Variants in TRPM4 observed in about 807,000 individuals in gnomAD.
TRPM4 encodes transient receptor potential cation channel subfamily M member 4, also known as calcium-activated non-selective cation channel 1.
A neutral mutation model predicts 135.6 loss-of-function variants in TRPM4; 124 were observed. The observed-to-expected ratio is 0.91, with a 90% CI of 0.79 to 1.06. The LOEUF (loss-of-function observed/expected upper bound fraction) is 1.06. Among genes scored for constraint, TRPM4 ranks in the 50% least tolerant of loss-of-function variants. The pLI, the probability that TRPM4 is intolerant of heterozygous loss-of-function variation, is 0.00. For synonymous variants in TRPM4, 745 were observed against 705.6 expected, an observed-to-expected ratio of 1.06 and a Z score of -0.88; for missense variants, 1,658 against 1,671.4, an observed-to-expected ratio of 0.99 and a Z score of 0.14.
rs2287923 is a variant in TRPM4 at position 49,171,976 on chromosome 19, C to T, written c.1051-33C>T. ...GCCCAACAGGAGTTGGGGATGGAGG[C>T]GGGCTAGGGATGCAGAACTGGCTAT... On this transcript the variant is annotated intron_variant, in intron 8 of 24. Coordinates refer to ENST00000252826, the MANE Select transcript of TRPM4 (RefSeq NM_017636.4). This position sits in a 1 kb window ranked among gnomAD's most constrained non-coding sequence, Gnocchi z 4.7. 0.051 allele frequency: 80,755 copies of T among 1,574,898 alleles called. 2,522 individuals are homozygous for T. The highest frequency in any genetic ancestry group is 0.12 in the East Asian group (5,372 of 44,686).
chr19:49,169,354 C>T (rs1241350043), intron 6 of TRPM4, among the ~76,000 whole-genome samples: 1 of 145,652 alleles, frequency 6.9e-6, no homozygotes, highest in Non-Finnish European at 1.5e-5. Context: ...TCACTGCAGC[C>T]TCTGCCTCCT....
chr19:49,196,727 T>A lies in TRPM4; in HGVS notation c.2498T>A (p.Leu833Gln). ...CTGTGCGAGGAACTGCGCCAGGGCC[T>A]GAGCGGAGGCGGGGGCAGCCTCGCC... Reference protein sequence around the residue: ...TLLCEELRQGLSGGGGSLASG... With the variant: ...TLLCEELRQGQSGGGGSLASG... The change falls in exon 17 of 25, where the codon CTG (leucine) becomes CAG (glutamine). Residue 833 changes from leucine to glutamine, a missense_variant. By Grantham distance (113) the Leu-to-Gln change is moderately radical. Around this residue, in one of 3 missense-constraint regions of TRPM4, gnomAD observed 1,412 missense variants for 1,408.7 expected, o/e 1.00. Coordinates refer to ENST00000252826, the MANE Select transcript of TRPM4 (RefSeq NM_017636.4). The A allele has an allele frequency of 6.4e-7, 1 of 1,552,780 alleles. No homozygotes were observed. The highest frequency in any genetic ancestry group is 8.7e-7 in the Non-Finnish European group (1 of 1,155,646).
Position 49,181,472 on chromosome 19 carries a change from A to G in TRPM4, c.1263+11A>G. On this transcript the variant is annotated intron_variant, in intron 10 of 24. Coordinates refer to ENST00000252826, the MANE Select transcript of TRPM4 (RefSeq NM_017636.4). ...GACATCCAATGGCGGGTGAGGGGTC[A>G]GGGCCTGGGGGTTGGGCATACTGAC... The G allele has an allele frequency of 6.3e-7, 1 of 1,592,334 alleles. No homozygotes were observed. Among genetic ancestry groups the G allele is most frequent in the Non-Finnish European group, 8.6e-7 (1 of 1,164,140 alleles).
At chr19:49,190,169 G>A (rs781708721) in intron 14 of TRPM4, 39 bp from the exon 15 acceptor site, 6 of 1,570,598 alleles carry the variant, frequency 3.8e-6, no homozygotes, top group Non-Finnish European at 5.3e-6. Flanking sequence ...ACGGGGCTGT[G>A]GGGGAGATTT....
chr19:49,184,137 T>G (rs1245547861), intron 12 of TRPM4, among the ~76,000 whole-genome samples: 1 of 152,148 alleles, frequency 6.6e-6, no homozygotes, highest in Non-Finnish European at 1.5e-5. Flanking sequence ...TTTTGGAAGT[T>G]TTTAGGACAT....
In TRPM4 at chr19:49,211,072, A is replaced by G. The variant is rs1464533950; in HGVS notation, c.3519A>G (p.Lys1173=). The change falls in exon 23 of 25, where the codon AAA becomes AAG. Residue 1173 remains lysine, a synonymous_variant. Coordinates refer to ENST00000252826, the MANE Select transcript of TRPM4 (RefSeq NM_017636.4). This position sits in a 1 kb window ranked among gnomAD's most constrained non-coding sequence, Gnocchi z 4.8. ...GHIREYEQRL[K]VLEREVQQCS... ...TCCGCGAGTACGAACAGCGCCTGAA[A>G]GTGCTGGAGCGGGAGGTGAGGCCTT... The G allele has an allele frequency of 3.7e-6, 6 of 1,614,086 alleles. No individual in the cohort carries two copies. Among genetic ancestry groups the G allele is most frequent in the Admixed American group, 1.7e-5 (1 of 60,024 alleles).
At chr19:49,194,080 TCC>T (rs1473798419) in intron 16 of TRPM4, among the ~76,000 whole-genome samples, 1 of 150,702 alleles carries the variant, frequency 6.6e-6, no homozygotes, top group African/African-American at 2.5e-5. Context: ...TTCATCCTCC[TCC>T]TGCTCCTGCT....
At chr19:49,197,310 TTCTTTCTTTCTTTC>T (rs1383001141) in intron 17 of TRPM4, among the ~76,000 whole-genome samples, 2 of 57,410 alleles carry the variant, frequency 3.5e-5, no homozygotes, top group Admixed American at 1.8e-4. Context: ...TTCTTTCTTT[TTCTTTCTTTCTTTC>T]TTTCTTTCTT....
Position 49,181,398 on chromosome 19 carries a change from T to G in TRPM4, c.1200T>G (p.Ala400=). 1.2e-6 allele frequency: 2 copies of G among 1,614,024 alleles called. No homozygotes were observed. The highest frequency in any genetic ancestry group is 1.7e-6 in the Non-Finnish European group (2 of 1,180,008). ...ASAYLDELRL[A]VAWNRVDIAQ... ...CCTACCTGGATGAGCTGCGTTTGGC[T>G]GTGGCTTGGAACCGCGTGGACATTG... Residue 400 remains alanine, a synonymous_variant, in exon 10 of 25, where the codon GCT becomes GCG. Coordinates refer to ENST00000252826, the MANE Select transcript of TRPM4 (RefSeq NM_017636.4).
intron 17 of TRPM4, among the ~76,000 whole-genome samples, chr19:49,197,490 TC>T (rs1968737970): frequency 7.5e-6 from 1 of 132,698 alleles, no homozygotes; most frequent in Non-Finnish European, 1.5e-5. Context: ...CTTCCTTCCT[TC>T]CTTCCTTCCT....
rs772903652 is a variant in TRPM4, at chr19:49,189,082, T to C, written c.2010T>C (p.Asp670=). 9.3e-6 allele frequency: 15 copies of C among 1,614,082 alleles called. 1 individual carries two copies. The East Asian group carries it at 3.3e-4, about 36-fold the overall frequency. ...QADARAFFAQ[D]GVQSLLTQKW... ...ACGCCCGTGCCTTCTTTGCCCAGGA[T>C]GGGGTACAGGTGAGTATCTGCGACA... The change falls in exon 14 of 25, where the codon GAT becomes GAC. Residue 670 remains aspartate, a synonymous_variant. Coordinates refer to ENST00000252826, the MANE Select transcript of TRPM4 (RefSeq NM_017636.4).
intron 10 of TRPM4, among the ~76,000 whole-genome samples, 157 bp downstream of exon 10, chr19:49,181,618 G>A (rs1260182059): frequency 7.0e-6 from 1 of 142,132 alleles, no homozygotes; most frequent in Non-Finnish European, 1.5e-5. Context: ...TGCAAGCTCC[G>A]CCACCTGGGT....
chr19:49,203,611 A>C (rs1339312930), intron 20 of TRPM4, among the ~76,000 whole-genome samples: 1 of 152,068 alleles, frequency 6.6e-6, no homozygotes, highest in African/African-American at 2.4e-5. Flanking sequence ...ATGAAACAGC[A>C]ACTCCCCACT....
chr19:49,188,814 C>T (rs1287392939), intron 13 of TRPM4, 44 bp downstream of exon 13: 1 of 1,612,918 alleles, frequency 6.2e-7, no homozygotes, highest in Middle Eastern at 1.7e-4. Context: ...GGGGCTGCCG[C>T]CAGAGGGGGA....
In TRPM4 at chr19:49,189,198, C is replaced by A. The variant is rs1968317442; in HGVS notation, c.2019+107C>A. The A allele has an allele frequency of 2.0e-5, 30 of 1,496,146 alleles. No homozygotes were observed. The South Asian group carries it at 3.1e-4, about 16-fold the overall frequency. 92.7% of individuals were successfully genotyped at this position (1,496,146 alleles called of 1,614,324 possible). A position where few individuals can be genotyped will look rare whatever the true frequency, so the allele number is the denominator to read the frequency against. On this transcript the variant is annotated intron_variant, in intron 14 of 24. Coordinates refer to ENST00000252826, the MANE Select transcript of TRPM4 (RefSeq NM_017636.4). ...ACATCTATGGTCTTGACCAGCCACTCTCCCTGGAGATCCCCCAGAAAGTCT... is the reference window on the plus strand; with the variant it reads ...ACATCTATGGTCTTGACCAGCCACTATCCCTGGAGATCCCCCAGAAAGTCT...
chr19:49,174,910 C>CTT (rs889079892), intron 9 of TRPM4, among the ~76,000 whole-genome samples: 3 of 143,782 alleles, frequency 2.1e-5, no homozygotes, highest in Non-Finnish European at 3.1e-5. Flanking sequence ...GAACTTTTTT[C>CTT]TTTTTTTTTT....
chr19:49,165,227 C>T (rs1487712153), intron 2 of TRPM4, among the ~76,000 whole-genome samples: 1 of 152,048 alleles, frequency 6.6e-6, no homozygotes, highest in East Asian at 1.9e-4. Context: ...CACACAGAAG[C>T]CAAAGACAAT....
chr19:49,166,151 C>T lies in TRPM4; in HGVS notation c.203C>T (p.Thr68Met), dbSNP rs762496289. 5.6e-6 allele frequency: 9 copies of T among 1,608,314 alleles called. 1 individual carries two copies. The highest frequency in any genetic ancestry group is 1.1e-5 in the South Asian group (1 of 89,964). The change falls in exon 3 of 25, where the codon ACG becomes ATG. Residue 68 changes from threonine to methionine, a missense_variant. By Grantham distance (81) the Thr-to-Met change is moderately conservative. This residue lies in a region of TRPM4 where 239 missense variants were observed against 240.1 expected (regional missense o/e 1.00). Transcript: ENST00000252826. Reference protein sequence around the residue: ...VTVWDSDAHTTEKPTDAYGEL... With the variant: ...VTVWDSDAHTMEKPTDAYGEL... The stretch of plus-strand genomic sequence containing the variant: ...GTGTGGGACAGCGATGCACACACCA[C>T]GGAGAAGCCCACCGATGCCTACGGA...
intron 12 of TRPM4, among the ~76,000 whole-genome samples, chr19:49,184,931 C>CTT (rs67365636): frequency 6.8e-6 from 1 of 146,160 alleles, no homozygotes; most frequent in Admixed American, 6.8e-5. Flanking sequence ...GTGTTTTTTT[C>CTT]TTTTTTTTTT....
Sources: gnomAD v4.1 joint callset for allele counts (sites outside exome capture counted in the v4.1 genomes callset) on GRCh38, gnomAD v4.1.1 for gene constraint, gnomAD v4.1.1 regional missense constraint, Gnocchi (gnomAD v3.1) non-coding constraint, MANE v1.5 for transcripts, NCBI Gene and HGNC (gene_info 2026-07-23, HGNC 2026-07-21) for gene names.